The following NOL9 variants were observed in gnomAD, a reference collection of about 807,000 sequenced individuals.
NOL9 encodes the protein polynucleotide 5'-hydroxyl-kinase NOL9.
A neutral mutation model predicts 67.9 loss-of-function variants in NOL9; 28 were observed. The observed-to-expected ratio is 0.41, with a 90% confidence interval of 0.31 to 0.57. The LOEUF is 0.57. Among genes scored for constraint, NOL9 ranks in the 20% least tolerant of loss-of-function variants. NOL9 has a pLI of 0.25. For missense variants in NOL9, 777 were observed against 897.0 expected (o/e 0.87, Z 1.71); for synonymous variants, 356 against 352.2 (o/e 1.01, Z -0.12).
Position 6,538,289 on chromosome 1 carries a change from T to A in NOL9, c.1075+3541A>T, listed in dbSNP as rs147933043. ...CAGAACAGGAGAAAACATTTGCAGA[T>A]TGTACATCTCATAAAGGATTAATAT... On this transcript the variant is annotated intron_variant, in intron 6 of 11. Transcript: ENST00000377705. Among the ~76,000 whole-genome samples the A allele has an allele frequency of 3.3e-3, 507 of 152,284 alleles. 2 individuals are homozygous for A. The highest frequency in any genetic ancestry group is 4.7e-3 in the Non-Finnish European group (323 of 68,036).
intron 6 of NOL9, among the ~76,000 whole-genome samples, chr1:6,535,985 T>C (rs1639146795): frequency 6.7e-6 from 1 of 150,224 alleles, no homozygotes; most frequent in Non-Finnish European, 1.5e-5. Context: ...GCAGTTATAA[T>C]TAAAAGAGCA....
chr1:6,545,066 C>G lies in NOL9; in HGVS notation c.859G>C (p.Glu287Gln). The change falls in exon 4 of 12, where the codon GAG becomes CAG. Residue 287 changes from glutamate (E) to glutamine (Q), a missense_variant. Transcript: ENST00000377705. ...LTESTLSALE[E>Q]LVNVSCEEVD... ...TCACCACAGGAAACATTGACTAACT[C>G]TTCCAGGGCTGAAAGGGTACTCTCA... 1 of 1,614,176 alleles carries G rather than the reference C, an allele frequency of 6.2e-7. No homozygotes were observed. Among genetic ancestry groups the G allele is most frequent in the Non-Finnish European group, 8.5e-7 (1 of 1,180,024 alleles).
intron 3 of NOL9, chr1:6,549,369 G>A (rs1057100141): frequency 2.0e-6 from 1 of 499,286 alleles, no homozygotes; most frequent in African/African-American, 1.9e-5. Context: ...GGTGGCTCAG[G>A]TATGAAACTA....
In NOL9 at chr1:6,526,798, C is replaced by G. The variant is rs1467226768; in HGVS notation, c.1857G>C (p.Arg619=). 1 of 1,612,940 alleles carries G rather than the reference C, an allele frequency of 6.2e-7. No individual in the cohort carries two copies. The highest frequency in any genetic ancestry group is 8.5e-7 in the Non-Finnish European group (1 of 1,179,444). ...GICRGIDMEK[R]LYHILTPVPP... is the part of the protein sequence containing the mutation. ...GCACAGGGGTGAGGATGTGGTACAG[C>G]CGCTTCTCCATGTCAATGCCTCTAC... Residue 619 remains arginine (R), a synonymous_variant, in exon 11 of 12, where the codon CGG becomes CGC. Transcript: ENST00000377705.
At chr1:6,538,808 C>G (rs1447030301) in intron 6 of NOL9, among the ~76,000 whole-genome samples, 1 of 152,038 alleles carries the variant, frequency 6.6e-6, no homozygotes, top group Non-Finnish European at 1.5e-5. Context: ...TGTGGTGAAA[C>G]CCTATCTCTA....
chr1:6,543,210 T>TTG (rs1639338915), intron 5 of NOL9, among the ~76,000 whole-genome samples: 1 of 48,630 alleles, frequency 2.1e-5, no homozygotes, highest in African/African-American at 4.3e-5. Context: ...TCTTTTTTTT[T>TTG]TTTGAGACAG....
intron 5 of NOL9, 72 bp from the exon 6 acceptor site, chr1:6,541,999 C>T: frequency 1.1e-6 from 1 of 945,998 alleles, no homozygotes; most frequent in Non-Finnish European, 1.6e-6. Flanking sequence ...GATAATCACA[C>T]AGTAAAGATT....
intron 6 of NOL9, among the ~76,000 whole-genome samples, chr1:6,539,802 C>T (rs1401339372): frequency 6.6e-6 from 1 of 152,102 alleles, no homozygotes; most frequent in African/African-American, 2.4e-5. Context: ...AATTTTGATA[C>T]ATGCTACAAC....
intron 6 of NOL9, 64 bp downstream of exon 6, chr1:6,541,766 T>C: frequency 3.1e-6 from 3 of 960,722 alleles, no homozygotes; most frequent in Non-Finnish European, 4.7e-6. Flanking sequence ...TTCTGAGTTT[T>C]TGTTAGCATC....
At chr1:6,528,438 A>G (rs1638939882) in intron 10 of NOL9, among the ~76,000 whole-genome samples, 1 of 152,232 alleles carries the variant, frequency 6.6e-6, no homozygotes, top group South Asian at 2.1e-4. Flanking sequence ...CCACCAGACC[A>G]TCTAATGGGC....
At chr1:6,542,285 G>A (rs1276823700) in intron 5 of NOL9, among the ~76,000 whole-genome samples, 2 of 147,082 alleles carry the variant, frequency 1.4e-5, no homozygotes, top group African/African-American at 2.5e-5. Context: ...CTCAGCCTCC[G>A]GAGTAGCTGG....
Position 6,525,584 on chromosome 1 carries a change from T to C in NOL9, c.*270A>G, listed in dbSNP as rs961774461. On this transcript the variant is annotated 3_prime_UTR_variant, in exon 12 of 12. Coordinates refer to ENST00000377705, the MANE Select transcript of NOL9 (RefSeq NM_024654.5). ...TGAAGAACTTTCTGAGGAATCTCTG[T>C]TTTAATGGCACACAAACTGTTCTCT... 22 of 405,470 alleles carry C rather than the reference T, an allele frequency of 5.4e-5. No homozygotes were observed. The Admixed American group carries it at 6.3e-4, about 12-fold the overall frequency. 25.1% of individuals were successfully genotyped at this position (405,470 alleles called of 1,614,324 possible).
rs1430017828 is a variant in NOL9, at chr1:6,526,140, C to G, written c.1960-137G>C. 5.4e-6 allele frequency: 4 copies of G among 739,666 alleles called. No individual in the cohort carries two copies. The East Asian group carries it at 1.0e-4, about 19-fold the overall frequency. 45.8% of individuals were successfully genotyped at this position (739,666 alleles called of 1,614,324 possible). On this transcript the variant is annotated intron_variant, in intron 11 of 11. Transcript: ENST00000377705. The stretch of plus-strand genomic sequence containing the variant: ...ACTTCTCACTTTTAAGGCATTTGAT[C>G]CCTTCCTTCAGAGCCCCCTTTAATC...
In NOL9 at chr1:6,550,494, C is replaced by G. The variant is rs376966615; in HGVS notation, c.518G>C (p.Cys173Ser). 6.2e-7 allele frequency: 1 copy of G among 1,613,912 alleles called. No homozygotes were observed. Among genetic ancestry groups the G allele is most frequent in the African/African-American group, 1.3e-5 (1 of 74,864 alleles). The change falls in exon 2 of 12, where the codon TGC becomes TCC. Residue 173 changes from cysteine to serine, a missense_variant. Cys to Ser is a moderately radical substitution (Grantham distance 112). This residue lies in a region of NOL9 where 364 missense variants were observed against 344.4 expected (regional missense o/e 1.06). Transcript: ENST00000377705. ...GTAGTGAAGTGCATGGATACTCAAG[C>G]AAGAGTGGGTATACACAGAGAAGAT... ...QDIFSVYTHS[C>S]LSIHALHYSQ... is the part of the protein sequence containing the mutation.
At chr1:6,529,925 CA>C (rs1404540782) in intron 9 of NOL9, among the ~76,000 whole-genome samples, 1 of 151,920 alleles carries the variant, frequency 6.6e-6, no homozygotes, top group Non-Finnish European at 1.5e-5. Context: ...GACTCCATCT[CA>C]AAAACAAAAA....
Position 6,544,644 on chromosome 1 carries a change from G to C in NOL9, c.977+182C>G, listed in dbSNP as rs114428692. 4.4e-3 allele frequency among the ~76,000 whole-genome samples: 625 copies of C among 142,812 alleles called. 5 individuals are homozygous for C. The highest frequency in any genetic ancestry group is 0.015 in the African/African-American group (589 of 38,642). 93.7% of individuals were successfully genotyped at this position (142,812 alleles called of 152,430 possible). A position where few individuals can be genotyped will look rare whatever the true frequency, so the allele number is the denominator to read the frequency against. On this transcript the variant is annotated intron_variant, in intron 5 of 11. Transcript: ENST00000377705. ...TGCAGGTAAGGCAAAGTCAGCCTAC[G>C]CTAGAGCATTGTCACATACTGCAAA...
In NOL9 at chr1:6,554,223, C is replaced by T; in HGVS notation, c.280G>A (p.Glu94Lys). The change falls in exon 1 of 12, where the codon GAA (glutamate) becomes AAA (lysine). Residue 94 changes from glutamate to lysine, a missense_variant. Coordinates refer to ENST00000377705, the MANE Select transcript of NOL9 (RefSeq NM_024654.5). ...SPIPSPTPAS[E>K]PESEPELESA... ...TCGAGTTCGGGTTCGGACTCGGGTTCGGAGGCCGGGGTCGGGCTAGGGATC... is the reference window on the plus strand; with the variant it reads ...TCGAGTTCGGGTTCGGACTCGGGTTTGGAGGCCGGGGTCGGGCTAGGGATC... 1 of 1,514,458 alleles carries T rather than the reference C, an allele frequency of 6.6e-7. No homozygotes were observed. The highest frequency in any genetic ancestry group is 8.8e-7 in the Non-Finnish European group (1 of 1,130,584). 93.8% of individuals were successfully genotyped at this position (1,514,458 alleles called of 1,614,324 possible).
intron 10 of NOL9, 125 bp downstream of exon 10, chr1:6,528,869 G>GATT: frequency 1.1e-6 from 1 of 890,266 alleles, no homozygotes; most frequent in Non-Finnish European, 1.7e-6. Flanking sequence ...GTGCTATATA[G>GATT]ATGAGTGGGG....
intron 6 of NOL9, among the ~76,000 whole-genome samples, chr1:6,535,895 T>TC (rs1195766064): frequency 6.8e-6 from 1 of 146,712 alleles, no homozygotes; most frequent in Non-Finnish European, 1.5e-5. Flanking sequence ...GCTATTGCAC[T>TC]CCAGCCTGGG....
Sources: allele counts gnomAD v4.1 joint callset (sites outside exome capture counted in the v4.1 genomes callset), GRCh38; gene constraint gnomAD v4.1.1; regional missense constraint gnomAD v4.1.1; transcripts MANE v1.5; gene names NCBI Gene and HGNC (gene_info 2026-07-23, HGNC 2026-07-21).